Variants in PRKN observed in about 807,000 individuals in gnomAD.
PRKN encodes the protein E3 ubiquitin-protein ligase parkin.
In PRKN, 56 loss-of-function variants were observed where a neutral mutation model predicts 59.5. The observed-to-expected ratio is 0.94, with a 90% CI of 0.76 to 1.18. The LOEUF is 1.18. Among genes scored for constraint, PRKN ranks in the 50% most tolerant of loss-of-function variants. The pLI is 0.00. For synonymous variants in PRKN, 250 were observed against 222.1 expected, an observed-to-expected ratio of 1.13 and a Z score of -1.12; for missense variants, 657 against 596.4, an observed-to-expected ratio of 1.10 and a Z score of -1.06.
In PRKN at chr6:161,432,697, T is replaced by C. The variant is rs146094261; in HGVS notation, c.1084-45820A>G. On this transcript the variant is annotated intron_variant, in intron 9 of 11. Coordinates refer to ENST00000366898, the MANE Select transcript of PRKN (RefSeq NM_004562.3). Reference sequence around the variant, plus strand: ...GCACCTAGCCTCTGATTTTAGCTATTGGTGTGAAGACTGAGTTTGTTAAAT... The same window carrying C: ...GCACCTAGCCTCTGATTTTAGCTATCGGTGTGAAGACTGAGTTTGTTAAAT... Among the ~76,000 whole-genome samples the C allele has an allele frequency of 3.6e-3, 542 of 152,092 alleles. 3 individuals carry two copies. The highest frequency in any genetic ancestry group is 0.012 in the African/African-American group (512 of 41,468).
chr6:162,365,798 C>A (rs1785406977), intron 2 of PRKN, among the ~76,000 whole-genome samples: 1 of 152,234 alleles, frequency 6.6e-6, no homozygotes, highest in African/African-American at 2.4e-5. Context: ...CTGGAATAAT[C>A]TTGTTCATGT....
chr6:162,542,691 G>A (rs558299076), intron 1 of PRKN, among the ~76,000 whole-genome samples: 9 of 152,244 alleles, frequency 5.9e-5, no homozygotes, highest in African/African-American at 1.9e-4. Context: ...AGAAATTTAA[G>A]TGAGAAAATA....
intron 6 of PRKN, among the ~76,000 whole-genome samples, chr6:161,930,545 C>T (rs1779134124): frequency 6.6e-6 from 1 of 152,294 alleles, no homozygotes; most frequent in East Asian, 1.9e-4. Context: ...CGTTGTAATA[C>T]TAAATGTTCT....
chr6:161,736,178 T>C (rs1404232771), intron 7 of PRKN, among the ~76,000 whole-genome samples: 4 of 152,170 alleles, frequency 2.6e-5, no homozygotes, highest in Non-Finnish European at 5.9e-5. Context: ...ACACCACCTG[T>C]CAAAGAACTC....
At chr6:161,807,423 A>T (rs994896858) in intron 6 of PRKN, among the ~76,000 whole-genome samples, 5 of 152,196 alleles carry the variant, frequency 3.3e-5, no homozygotes, top group Admixed American at 2.0e-4. Context: ...AAACAGACAC[A>T]TATACACATA....
chr6:162,110,085 C>G (rs1780358237), intron 4 of PRKN, among the ~76,000 whole-genome samples: 1 of 152,036 alleles, frequency 6.6e-6, no homozygotes, highest in African/African-American at 2.4e-5. Context: ...TTTCAAAATT[C>G]TTTTGAATGT....
Position 162,166,401 on chromosome 6 carries a change from C to A in PRKN, c.534+34730G>T, listed in dbSNP as rs947765557. The stretch of plus-strand genomic sequence containing the variant: ...GCTGGGTGGAGGGCTTGGAACTGAC[C>A]AGGAAGGAGCATGACATCATTCTCT... On this transcript the variant is annotated intron_variant, in intron 4 of 11. Coordinates refer to ENST00000366898, the MANE Select transcript of PRKN (RefSeq NM_004562.3). 4.8e-4 allele frequency among the ~76,000 whole-genome samples: 73 copies of A among 152,200 alleles called. 1 individual carries two copies. Among genetic ancestry groups the A allele is most frequent in the African/African-American group, 1.7e-3 (70 of 41,532 alleles).
chr6:162,668,805 C>G (rs1475524906), intron 1 of PRKN, among the ~76,000 whole-genome samples: 1 of 152,120 alleles, frequency 6.6e-6, no homozygotes, highest in African/African-American at 2.4e-5. Flanking sequence ...AAAGTAGGAA[C>G]AGGAAGGACA....
chr6:161,657,352 C>T (rs183012794), intron 7 of PRKN, among the ~76,000 whole-genome samples: 385 of 152,210 alleles, frequency 2.5e-3, no homozygotes, highest in Non-Finnish European at 4.0e-3. Context: ...TTTTTAAAGG[C>T]GAATATGAAT....
intron 6 of PRKN, among the ~76,000 whole-genome samples, chr6:161,872,901 G>T (rs1012038412): frequency 6.6e-6 from 1 of 151,332 alleles, no homozygotes; most frequent in African/African-American, 2.4e-5. Flanking sequence ...GGGTTAACCA[G>T]AAGTTATTCC....
chr6:161,418,981 G>A (rs555637525), intron 9 of PRKN, among the ~76,000 whole-genome samples: 22 of 152,238 alleles, frequency 1.4e-4, no homozygotes, highest in Admixed American at 8.5e-4. Flanking sequence ...AGAAACAATC[G>A]TATATCATAG....
intron 1 of PRKN, among the ~76,000 whole-genome samples, chr6:162,487,442 G>A (rs368073977): frequency 7.2e-5 from 11 of 152,276 alleles, no homozygotes; most frequent in Admixed American, 2.6e-4. Context: ...GCCTGCACGC[G>A]TGGCAGGACA....
At chr6:162,067,502 G>A (rs2023064) in intron 4 of PRKN, among the ~76,000 whole-genome samples, 123,156 of 152,160 alleles carry the variant, frequency 0.81, 49,946 homozygotes, top group East Asian at 0.88. Context: ...CCTTATTTAT[G>A]AGTTCATGAG....
At chr6:162,033,736 A>C (rs1174075354) in intron 5 of PRKN, among the ~76,000 whole-genome samples, 1 of 152,170 alleles carries the variant, frequency 6.6e-6, no homozygotes, top group Non-Finnish European at 1.5e-5. Context: ...ATTTTCAGAC[A>C]TTTGGAAAAC....
chr6:162,467,683 G>A (rs1428197639), intron 1 of PRKN, among the ~76,000 whole-genome samples: 3 of 152,016 alleles, frequency 2.0e-5, no homozygotes, highest in Non-Finnish European at 2.9e-5. Flanking sequence ...AAAAACTCAC[G>A]TCACTTCCTA....
chr6:161,668,747 A>G (rs1784808769), intron 7 of PRKN, among the ~76,000 whole-genome samples: 1 of 152,212 alleles, frequency 6.6e-6, no homozygotes, highest in South Asian at 2.1e-4. Flanking sequence ...TGGATAATCA[A>G]TATTAACTAA....
At chr6:162,086,279 C>T (rs1455005714) in intron 4 of PRKN, among the ~76,000 whole-genome samples, 1 of 152,116 alleles carries the variant, frequency 6.6e-6, no homozygotes, top group Admixed American at 6.5e-5. Context: ...CTTAGAGTCT[C>T]TGAGTGCATG....
intron 7 of PRKN, among the ~76,000 whole-genome samples, chr6:161,656,295 C>G (rs1000047354): frequency 2.0e-5 from 3 of 152,188 alleles, no homozygotes; most frequent in Admixed American, 1.3e-4. Context: ...GCTCTGCCAT[C>G]CATCCGCGCC....
intron 4 of PRKN, among the ~76,000 whole-genome samples, chr6:162,089,486 G>A (rs1164722935): frequency 1.3e-5 from 2 of 152,166 alleles, no homozygotes; most frequent in African/African-American, 2.4e-5. Flanking sequence ...CTTTTAAAGA[G>A]TGGCATACCT....
Sources: gnomAD v4.1 joint callset for allele counts (sites outside exome capture counted in the v4.1 genomes callset) on GRCh38, gnomAD v4.1.1 for gene constraint, MANE v1.5 for transcripts, NCBI Gene and HGNC (gene_info 2026-07-23, HGNC 2026-07-21) for gene names.